The following TENM3 variants were observed in gnomAD, a reference collection of about 807,000 sequenced individuals.
TENM3 encodes the protein teneurin transmembrane protein 3.
Under a neutral mutation model 255.1 loss-of-function variants are expected in TENM3, and 63 were observed. The observed-to-expected ratio is 0.25, with a 90% CI of 0.20 to 0.30. TENM3 has a LOEUF of 0.30. Ranked by LOEUF, TENM3 falls within the 10% of genes least tolerant of loss-of-function variation. TENM3 has a pLI of 1.00. For synonymous variants in TENM3, 1,306 were observed against 1,322.3 expected (o/e 0.99, Z 0.27); for missense variants, 2,929 against 3,461.1 (o/e 0.85, Z 3.86).
intron 4 of TENM3, among the ~76,000 whole-genome samples, chr4:182,621,496 C>T (rs539409527): frequency 6.0e-5 from 6 of 99,804 alleles, no homozygotes; most frequent in Non-Finnish European, 7.7e-5. Context: ...GGCATGGTGG[C>T]TCATGCCTGT....
chr4:182,175,334 T>TATATAC (rs1554026230), intron 1 of TENM3, among the ~76,000 whole-genome samples: 138 of 146,068 alleles, frequency 9.4e-4, no homozygotes, highest in African/African-American at 3.3e-3. Context: ...TATATATATA[T>TATATAC]ACACACAAGT....
intron 1 of TENM3, among the ~76,000 whole-genome samples, chr4:182,176,901 C>T (rs1053462352): frequency 2.1e-5 from 3 of 144,878 alleles, no homozygotes; most frequent in Non-Finnish European, 4.5e-5. Flanking sequence ...TCTCGAATTC[C>T]TGACCTCAGG....
At chr4:182,091,347 G>T in the TENM3 span, among the ~76,000 whole-genome samples, 1 of 152,188 alleles carries the variant, frequency 6.6e-6, no homozygotes, top group Non-Finnish European at 1.5e-5. Context: ...GAGTTGCAAG[G>T]GTGAAAGGGC....
At chr4:181,515,370 G>A in the TENM3 span, among the ~76,000 whole-genome samples, 3 of 151,974 alleles carry the variant, frequency 2.0e-5, no homozygotes, top group Admixed American at 6.6e-5. Context: ...TCTCCTTTGC[G>A]CATACTTGAA....
intron 19 of TENM3, among the ~76,000 whole-genome samples, chr4:182,751,460 T>C (rs756319349): frequency 1.3e-5 from 2 of 152,262 alleles, no homozygotes. Flanking sequence ...AGTTTTTTAA[T>C]GGCTTTGCAT....
intron 6 of TENM3, among the ~76,000 whole-genome samples, chr4:182,656,459 C>CT (rs1753757808): frequency 6.6e-6 from 1 of 152,140 alleles, no homozygotes; most frequent in South Asian, 2.1e-4. Context: ...GACGGGAACT[C>CT]TATTTACAAG....
At chr4:182,574,975 T>G (rs1298498534) in intron 3 of TENM3, among the ~76,000 whole-genome samples, 1 of 152,170 alleles carries the variant, frequency 6.6e-6, no homozygotes, top group Non-Finnish European at 1.5e-5. Context: ...ATCAACTTTA[T>G]AAATTTTTGG....
At chr4:181,546,226 C>T in the TENM3 span, among the ~76,000 whole-genome samples, 1 of 152,176 alleles carries the variant, frequency 6.6e-6, no homozygotes, top group Non-Finnish European at 1.5e-5. Context: ...CTTCGTATAG[C>T]TTCATTTAGC....
intron 3 of TENM3, among the ~76,000 whole-genome samples, chr4:182,514,695 T>A (rs35464518): frequency 2.6e-5 from 4 of 152,102 alleles, no homozygotes; most frequent in Non-Finnish European, 5.9e-5. Context: ...ATTGAGTTCA[T>A]GAACTACTAA....
At chr4:182,022,710 A>G in the TENM3 span, among the ~76,000 whole-genome samples, 1 of 152,170 alleles carries the variant, frequency 6.6e-6, no homozygotes, top group East Asian at 1.9e-4. Context: ...TTTAAAGTCT[A>G]GCTCGCTCAC....
intron 12 of TENM3, among the ~76,000 whole-genome samples, chr4:182,697,409 G>A (rs150518041): frequency 3.3e-4 from 51 of 152,252 alleles, no homozygotes; most frequent in African/African-American, 1.2e-3. Context: ...GACCTGATTG[G>A]CGCTGAAAAT....
At chr4:182,361,091 G>A (rs1462421657) in intron 3 of TENM3, among the ~76,000 whole-genome samples, 16 of 152,112 alleles carry the variant, frequency 1.1e-4, no homozygotes, top group Non-Finnish European at 2.1e-4. Flanking sequence ...CGAGAGATCC[G>A]CTGTTAGTCT....
the TENM3 span, among the ~76,000 whole-genome samples, chr4:181,739,128 C>T: frequency 1.3e-5 from 2 of 152,320 alleles, no homozygotes; most frequent in East Asian, 1.9e-4. Flanking sequence ...TGGAACAAAA[C>T]GCCAGCCATC....
chr4:182,706,447 A>C (rs1308422995), intron 12 of TENM3, among the ~76,000 whole-genome samples: 1 of 152,178 alleles, frequency 6.6e-6, no homozygotes, highest in African/African-American at 2.4e-5. Flanking sequence ...CCATAGTTAG[A>C]ATACATGGGA....
chr4:182,251,044 C>T (rs1281875132), intron 1 of TENM3, among the ~76,000 whole-genome samples: 1 of 152,216 alleles, frequency 6.6e-6, no homozygotes, highest in East Asian at 1.9e-4. Flanking sequence ...TCAGCAGAGC[C>T]TCTCAGTGTT....
At chr4:181,593,653 C>T in the TENM3 span, among the ~76,000 whole-genome samples, 1 of 152,120 alleles carries the variant, frequency 6.6e-6, no homozygotes, top group African/African-American at 2.4e-5. Flanking sequence ...TCAGAAGAAA[C>T]AGTACTTTGC....
chr4:181,939,842 T>C, the TENM3 span, among the ~76,000 whole-genome samples: 2 of 152,210 alleles, frequency 1.3e-5, no homozygotes, highest in African/African-American at 4.8e-5. Flanking sequence ...TTTAGTCCTT[T>C]TATTAAAGCT....
intron 3 of TENM3, among the ~76,000 whole-genome samples, chr4:182,471,389 C>T (rs1176503906): frequency 6.6e-6 from 1 of 152,126 alleles, no homozygotes; most frequent in Non-Finnish European, 1.5e-5. Flanking sequence ...TGTACTTACA[C>T]AAACCAAGAT....
At chr4:181,828,887 T>C in the TENM3 span, among the ~76,000 whole-genome samples, 1 of 151,988 alleles carries the variant, frequency 6.6e-6, no homozygotes, top group Non-Finnish European at 1.5e-5. Flanking sequence ...ACTGCACCCA[T>C]CCCCAGGATT....
Sources: allele counts gnomAD v4.1 joint callset (sites outside exome capture counted in the v4.1 genomes callset), GRCh38; gene constraint gnomAD v4.1.1; transcripts MANE v1.5; gene names NCBI Gene and HGNC (gene_info 2026-07-23, HGNC 2026-07-21).